Variants in LZTFL1 observed in about 807,000 individuals in gnomAD.
LZTFL1 encodes the protein leucine zipper transcription factor like 1.
Under a neutral mutation model 45.9 loss-of-function variants are expected in LZTFL1, and 25 were observed. The ratio of observed to expected loss-of-function variants is 0.54; its 90% CI spans 0.40 to 0.76. The LOEUF is 0.76. Among genes scored for constraint, LZTFL1 ranks in the 30% least tolerant of loss-of-function variants. LZTFL1 has a pLI of 0.00. For synonymous variants in LZTFL1, 93 were observed against 117.4 expected, an observed-to-expected ratio of 0.79 and a Z score of 1.35; for missense variants, 277 against 331.1, an observed-to-expected ratio of 0.84 and a Z score of 1.27.
chr3:45,856,834 C>A (rs1274881322), intron 3 of LZTFL1, among the ~76,000 whole-genome samples: 3 of 152,118 alleles, frequency 2.0e-5, no homozygotes, highest in Non-Finnish European at 2.9e-5. Flanking sequence ...CCATCTCATG[C>A]CAGTCAGAAT....
intron 9 of LZTFL1, 25 bp from the exon 10 acceptor site, chr3:45,826,357 A>G (rs760897884): frequency 8.8e-6 from 14 of 1,594,186 alleles, no homozygotes; most frequent in Non-Finnish European, 1.2e-5. Context: ...TAAGAACACA[A>G]TGTCAGGATA....
exon 2 of LZTFL1, chr3:45,913,137 G>T (rs1265272469): frequency 6.5e-7 from 1 of 1,535,984 alleles, no homozygotes; most frequent in East Asian, 2.4e-5. Flanking sequence ...CCTGGGTCTT[G>T]GTTCCTCATC....
At chr3:45,854,565 CA>C (rs34970124) in intron 4 of LZTFL1, 88,513 of 143,428 alleles carry the variant, frequency 0.62, 26,872 homozygotes, top group East Asian at 0.9. Flanking sequence ...AACTCTGTCT[CA>C]AAAAAAAAAA....
Position 45,901,990 on chromosome 3 carries a change from A to G in LZTFL1, c.-215+11130T>C. ...GATGGGACCAGAGAGAGTGAAAGAG[A>G]AAAGAAAACTCAGAAAGGGATGAAT... On this transcript the variant is annotated intron_variant, in intron 2 of 4. Coordinates refer to the LZTFL1 transcript ENST00000472635. This position sits in a 1 kb window ranked among gnomAD's most constrained non-coding sequence, Gnocchi z 4.3. 2 of 1,086,558 alleles carry G rather than the reference A, an allele frequency of 1.8e-6. No homozygotes were observed. Among genetic ancestry groups the G allele is most frequent in the South Asian group, 3.3e-5 (2 of 60,168 alleles). 67.3% of individuals were successfully genotyped at this position (1,086,558 alleles called of 1,614,324 possible).
In LZTFL1 at chr3:45,849,768, C is replaced by T. The variant is rs151250592; in HGVS notation, c.-49+5218G>A. On this transcript the variant is annotated intron_variant, in intron 4 of 4. Transcript: ENST00000472635. ...TAACATACACAGAACTGATACTTTT[C>T]GTGTATAGAATTGAAGATAAATGGT... 6.8e-4 allele frequency among the ~76,000 whole-genome samples: 104 copies of T among 152,232 alleles called. 1 individual carries two copies. Among genetic ancestry groups the T allele is most frequent in the African/African-American group, 2.3e-3 (96 of 41,530 alleles).
intron 2 of LZTFL1, among the ~76,000 whole-genome samples, chr3:45,899,714 G>A (rs1327099112): frequency 3.3e-5 from 5 of 152,158 alleles, no homozygotes; most frequent in Non-Finnish European, 7.3e-5. Flanking sequence ...TCTGTGGGCA[G>A]AGGTTTTGGA....
chr3:45,852,878 T>C (rs1275222632), intron 4 of LZTFL1, among the ~76,000 whole-genome samples: 1 of 152,210 alleles, frequency 6.6e-6, no homozygotes, highest in Non-Finnish European at 1.5e-5. Context: ...CAGTATTTAT[T>C]TCTGTTCTCT....
chr3:45,907,326 G>A (rs565335245), intron 2 of LZTFL1, among the ~76,000 whole-genome samples: 1 of 152,306 alleles, frequency 6.6e-6, no homozygotes, highest in African/African-American at 2.4e-5. Flanking sequence ...TGGATTCCCT[G>A]GCCTGATGAT....
intron 2 of LZTFL1, among the ~76,000 whole-genome samples, chr3:45,892,052 C>T (rs1307528648): frequency 6.6e-6 from 1 of 152,064 alleles, no homozygotes; most frequent in African/African-American, 2.4e-5. Context: ...CTCCAAGGAG[C>T]CCTGGCTGTT....
intron 3 of LZTFL1, among the ~76,000 whole-genome samples, chr3:45,857,393 T>C (rs1279604481): frequency 2.6e-5 from 4 of 151,982 alleles, no homozygotes; most frequent in Non-Finnish European, 4.4e-5. Flanking sequence ...AGGGAGAGCA[T>C]CAGGATAAAT....
chr3:45,899,361 T>C (rs1443583198), intron 2 of LZTFL1, among the ~76,000 whole-genome samples: 1 of 152,232 alleles, frequency 6.6e-6, no homozygotes, highest in Non-Finnish European at 1.5e-5. Context: ...TTACAATGTA[T>C]ACAGATAGGG....
chr3:45,876,655 AG>A (rs1701753231), intron 2 of LZTFL1, among the ~76,000 whole-genome samples: 2 of 152,126 alleles, frequency 1.3e-5, no homozygotes, highest in Non-Finnish European at 2.9e-5. Context: ...AATCCCTTGA[AG>A]GGGGTAGTAT....
intron 2 of LZTFL1, among the ~76,000 whole-genome samples, chr3:45,877,841 G>C (rs1023726607): frequency 1.3e-5 from 2 of 151,440 alleles, no homozygotes; most frequent in Non-Finnish European, 2.9e-5. Flanking sequence ...TGCCTCCCAG[G>C]TTCAAGCAAT....
intron 2 of LZTFL1, among the ~76,000 whole-genome samples, chr3:45,882,430 C>T (rs1701876950): frequency 6.6e-6 from 1 of 152,176 alleles, no homozygotes; most frequent in Non-Finnish European, 1.5e-5. Context: ...CCCCAATATG[C>T]TTTTGAAATA....
chr3:45,913,232 C>T (rs1702835076), intron 1 of LZTFL1: 8 of 1,235,620 alleles, frequency 6.5e-6, no homozygotes, highest in Middle Eastern at 1.9e-4. Context: ...TTACTATTAA[C>T]AAACCAGTGC....
At chr3:45,859,876 ATCT>A (rs1701456366) in intron 2 of LZTFL1, among the ~76,000 whole-genome samples, 1 of 152,154 alleles carries the variant, frequency 6.6e-6, no homozygotes, top group African/African-American at 2.4e-5. Flanking sequence ...ACCTCAAGTG[ATCT>A]GCCCGTATAT....
chr3:45,911,960 A>C (rs535569700), intron 2 of LZTFL1, among the ~76,000 whole-genome samples: 1 of 152,404 alleles, frequency 6.6e-6, no homozygotes, highest in African/African-American at 2.4e-5. Context: ...AAAAGTATAA[A>C]GAGAAAAGTA....
At chr3:45,854,868 T>C (rs1323755472) in intron 4 of LZTFL1, 8 of 675,030 alleles carry the variant, frequency 1.2e-5, no homozygotes, top group Middle Eastern at 2.5e-4. Context: ...CATTCCCTTC[T>C]TTATGCTAAG....
intron 2 of LZTFL1, among the ~76,000 whole-genome samples, chr3:45,881,388 G>T (rs149730212): frequency 6.6e-6 from 1 of 152,240 alleles, no homozygotes; most frequent in Non-Finnish European, 1.5e-5. Flanking sequence ...AACTGGTTTT[G>T]TTCTCTTCCT....
Sources: allele counts gnomAD v4.1 joint callset (sites outside exome capture counted in the v4.1 genomes callset), GRCh38; gene constraint gnomAD v4.1.1; non-coding constraint Gnocchi (gnomAD v3.1); transcripts MANE v1.5; gene names NCBI Gene and HGNC (gene_info 2026-07-23, HGNC 2026-07-21).